The following TRAPPC9 variants were observed in gnomAD, a reference collection of about 807,000 sequenced individuals.
TRAPPC9 encodes trafficking protein particle complex subunit 9.
TRAPPC9 carries 83 observed loss-of-function variants against 124.0 expected under a neutral mutation model. The observed-to-expected ratio is 0.67, with a 90% CI of 0.56 to 0.80. The LOEUF is 0.80. Ranked by LOEUF, TRAPPC9 falls within the 30% of genes least tolerant of loss-of-function variation. The pLI, the probability that TRAPPC9 is intolerant of heterozygous loss-of-function variation, is 0.00. For synonymous variants in TRAPPC9, 638 were observed against 617.5 expected, an observed-to-expected ratio of 1.03 and a Z score of -0.49; for missense variants, 1,302 against 1,508.3, an observed-to-expected ratio of 0.86 and a Z score of 2.27.
intron 21 of TRAPPC9, among the ~76,000 whole-genome samples, chr8:139,795,759 T>C (rs1823013179): frequency 6.6e-6 from 1 of 151,870 alleles, no homozygotes; most frequent in Non-Finnish European, 1.5e-5. Flanking sequence ...CCAGTGAGCG[T>C]GAGGGGTGGG....
At chr8:139,960,587 A>C (rs1835316392) in intron 19 of TRAPPC9, among the ~76,000 whole-genome samples, 1 of 151,880 alleles carries the variant, frequency 6.6e-6, no homozygotes, top group Non-Finnish European at 1.5e-5. Flanking sequence ...GCTACCAACC[A>C]CTGTGACAGG....
intron 21 of TRAPPC9, among the ~76,000 whole-genome samples, chr8:139,809,438 C>T (rs1462424924): frequency 2.0e-5 from 3 of 152,300 alleles, no homozygotes; most frequent in South Asian, 2.1e-4. Flanking sequence ...CAACTTCCTG[C>T]GCCAGACAGG....
Position 139,924,019 on chromosome 8 carries a change from G to A in TRAPPC9, c.2811-13719C>T, listed in dbSNP as rs987839900. Among the ~76,000 whole-genome samples, 9 of 152,186 alleles carry A rather than the reference G, an allele frequency of 5.9e-5. No individual in the cohort carries two copies. The South Asian group carries it at 1.2e-3, about 21-fold the overall frequency. ...GCAAACAATCAACAAGGTCCATGCC[G>A]AGCACGGGGAGGGGGCATGGCCAGG... is the stretch of plus-strand genomic sequence containing the variant. On this transcript the variant is annotated intron_variant, in intron 19 of 22. Coordinates refer to ENST00000438773, the MANE Select transcript of TRAPPC9 (RefSeq NM_001160372.4).
At chr8:140,139,848 G>A (rs996981748) in intron 17 of TRAPPC9, among the ~76,000 whole-genome samples, 2 of 151,974 alleles carry the variant, frequency 1.3e-5, no homozygotes, top group African/African-American at 4.8e-5. Flanking sequence ...ATCTAACAGC[G>A]TTCAAAAGCC....
intron 19 of TRAPPC9, among the ~76,000 whole-genome samples, chr8:139,982,114 GTCGTA>G (rs1157667646): frequency 6.6e-6 from 1 of 151,798 alleles, no homozygotes; most frequent in Non-Finnish European, 1.5e-5. Context: ...ACCCACAATT[GTCGTA>G]TCTTAATTTT....
chr8:140,030,841 G>C (rs1840455416), intron 17 of TRAPPC9, among the ~76,000 whole-genome samples: 1 of 152,198 alleles, frequency 6.6e-6, no homozygotes, highest in Non-Finnish European at 1.5e-5. Context: ...CAGTTGCCTG[G>C]AGTTAGAGGC....
At chr8:140,351,360 T>C (rs1225036567) in intron 9 of TRAPPC9, among the ~76,000 whole-genome samples, 2 of 145,206 alleles carry the variant, frequency 1.4e-5, no homozygotes, top group South Asian at 2.3e-4. Flanking sequence ...ATTGCATCTG[T>C]GCTGAACGTG....
intron 14 of TRAPPC9, among the ~76,000 whole-genome samples, chr8:140,279,009 G>GC (rs1563911088): frequency 6.6e-6 from 1 of 152,166 alleles, no homozygotes; most frequent in African/African-American, 2.4e-5. Flanking sequence ...ATTCTCCTGC[G>GC]CCATGGTCTG....
rs1438798206 is a variant in TRAPPC9, at chr8:139,953,230, G to A, written c.2810+35496C>T. On this transcript the variant is annotated intron_variant, in intron 19 of 22. Transcript: ENST00000438773. ...AAGTAGGCCAGGAGTTGCGGCTCACGCCTGTAATCCCAGCACTTTGGGAGG... is the reference window on the plus strand; with the variant it reads ...AAGTAGGCCAGGAGTTGCGGCTCACACCTGTAATCCCAGCACTTTGGGAGG... Among the ~76,000 whole-genome samples, 6 of 152,212 alleles carry A rather than the reference G, an allele frequency of 3.9e-5. No homozygotes were observed. The South Asian group carries it at 8.3e-4, about 21-fold the overall frequency.
intron 21 of TRAPPC9, among the ~76,000 whole-genome samples, chr8:139,817,743 T>C (rs1824955672): frequency 6.6e-6 from 1 of 152,222 alleles, no homozygotes; most frequent in Non-Finnish European, 1.5e-5. Context: ...TGGGGACCAC[T>C]CAGCCATGAG....
At chr8:139,749,697 G>A (rs79013372) in intron 21 of TRAPPC9, among the ~76,000 whole-genome samples, 282 of 152,292 alleles carry the variant, frequency 1.9e-3, no homozygotes, top group African/African-American at 6.4e-3. Flanking sequence ...AAGTCTTAGA[G>A]CACAAACGGG....
chr8:140,128,980 T>TATAC (rs2061149607), intron 17 of TRAPPC9, among the ~76,000 whole-genome samples: 2 of 126,030 alleles, frequency 1.6e-5, no homozygotes, highest in African/African-American at 5.9e-5. Context: ...AAAATATATA[T>TATAC]ATATATACAT....
At chr8:140,303,163 C>T (rs1220864279) in intron 10 of TRAPPC9, among the ~76,000 whole-genome samples, 4 of 152,126 alleles carry the variant, frequency 2.6e-5, no homozygotes, top group African/African-American at 9.7e-5. Flanking sequence ...CGTATCAAAG[C>T]AACTCGAAGC....
chr8:140,136,656 G>A (rs1263958663), intron 17 of TRAPPC9, among the ~76,000 whole-genome samples: 4 of 152,132 alleles, frequency 2.6e-5, no homozygotes, highest in African/African-American at 7.2e-5. Context: ...TGGCCAATAC[G>A]GTGAAACCTT....
At chr8:140,238,195 ACCTGTTG>A (rs990601492) in intron 16 of TRAPPC9, 1 of 152,190 alleles carries the variant, frequency 6.6e-6, no homozygotes, top group Non-Finnish European at 1.5e-5. Context: ...AATGGGGATC[ACCTGTTG>A]CTGATGAATG....
At chr8:139,967,506 T>C (rs936995536) in intron 19 of TRAPPC9, among the ~76,000 whole-genome samples, 1 of 152,312 alleles carries the variant, frequency 6.6e-6, no homozygotes, top group Admixed American at 6.5e-5. Context: ...AGAGAGATGA[T>C]GAAGACAGGA....
At chr8:139,988,596 G>A in intron 19 of TRAPPC9, 130 bp downstream of exon 19, 1 of 691,746 alleles carries the variant, frequency 1.4e-6, no homozygotes, top group East Asian at 2.7e-5. Context: ...AGTCACTACG[G>A]TATCTCTGAA....
intron 21 of TRAPPC9, among the ~76,000 whole-genome samples, chr8:139,793,761 A>G (rs930246855): frequency 2.0e-5 from 3 of 152,202 alleles, no homozygotes; most frequent in African/African-American, 4.8e-5. Flanking sequence ...CCAGATCCAC[A>G]TGGAGACCCA....
At chr8:140,152,181 CTATT>C (rs2061553693) in intron 17 of TRAPPC9, among the ~76,000 whole-genome samples, 1 of 139,136 alleles carries the variant, frequency 7.2e-6, no homozygotes, top group Admixed American at 7.7e-5. Context: ...TACATGTTGA[CTATT>C]CATTAAGTTA....
Sources: gnomAD v4.1 joint callset for allele counts (sites outside exome capture counted in the v4.1 genomes callset) on GRCh38, gnomAD v4.1.1 for gene constraint, MANE v1.5 for transcripts, NCBI Gene and HGNC (gene_info 2026-07-23, HGNC 2026-07-21) for gene names.